Variants in TPTE2 observed in about 807,000 individuals in gnomAD.
TPTE2 encodes the protein phosphatidylinositol 3,4,5-trisphosphate 3-phosphatase TPTE2.
Under a neutral mutation model 78.6 loss-of-function variants are expected in TPTE2, and 53 were observed. That is an observed-to-expected ratio of 0.67 (90% CI 0.54 to 0.85). The LOEUF (loss-of-function observed/expected upper bound fraction) is 0.85. Among genes scored for constraint, TPTE2 ranks in the 40% least tolerant of loss-of-function variants. TPTE2 has a pLI of 0.00. For synonymous variants in TPTE2, 175 were observed against 206.2 expected (o/e 0.85, Z 1.30); for missense variants, 461 against 623.0 (o/e 0.74, Z 2.77).
chr13:19,491,446 T>C (rs1426511995), intron 3 of TPTE2, among the ~76,000 whole-genome samples: 1 of 152,192 alleles, frequency 6.6e-6, no homozygotes, highest in Non-Finnish European at 1.5e-5. Context: ...TAAGTAAAAT[T>C]CAACAGTTAA....
intron 3 of TPTE2, among the ~76,000 whole-genome samples, chr13:19,487,921 T>C (rs2137627188): frequency 1.3e-5 from 2 of 152,260 alleles, no homozygotes; most frequent in South Asian, 2.1e-4. Context: ...ACTGTGAGAT[T>C]CTCCTGTTGT....
the TPTE2 span, among the ~76,000 whole-genome samples, chr13:19,551,777 T>C: frequency 4.6e-5 from 7 of 152,144 alleles, no homozygotes; most frequent in East Asian, 5.8e-4. Context: ...TATCAAAAAT[T>C]AAGATATTAC....
At chr13:19,479,390 T>A (rs542673687) in intron 4 of TPTE2, among the ~76,000 whole-genome samples, 1 of 152,196 alleles carries the variant, frequency 6.6e-6, no homozygotes, top group South Asian at 2.1e-4. Flanking sequence ...CATTTAAATA[T>A]AAACATTGAT....
At chr13:19,423,074 A>C in exon 20 of TPTE2, 3 of 1,612,250 alleles carry the variant, frequency 1.9e-6, no homozygotes, top group Non-Finnish European at 2.5e-6. Context: ...ATTTCTCGCC[A>C]AAAAGTATCT....
At chr13:19,522,255 T>G in intron 1 of TPTE2, among the ~76,000 whole-genome samples, 1 of 152,228 alleles carries the variant, frequency 6.6e-6, no homozygotes, top group East Asian at 1.9e-4. Flanking sequence ...ATGGTAATTA[T>G]CCTGGCAATT....
At chr13:19,556,039 C>G in the TPTE2 span, among the ~76,000 whole-genome samples, 1 of 151,964 alleles carries the variant, frequency 6.6e-6, no homozygotes, top group African/African-American at 2.4e-5. Context: ...TCTTGAACTC[C>G]TGATCTCAGA....
chr13:19,533,808 T>C (rs895059821), intron 1 of TPTE2, among the ~76,000 whole-genome samples: 9 of 152,198 alleles, frequency 5.9e-5, no homozygotes, highest in Non-Finnish European at 1.2e-4. Context: ...AAAGCCACTG[T>C]AGAATTGTTG....
At chr13:19,511,169 T>A (rs1869411658) in intron 1 of TPTE2, among the ~76,000 whole-genome samples, 1 of 152,218 alleles carries the variant, frequency 6.6e-6, no homozygotes, top group Non-Finnish European at 1.5e-5. Flanking sequence ...GATAATAATT[T>A]GGCGGCAGTC....
chr13:19,490,954 G>A (rs1880954630), intron 3 of TPTE2, among the ~76,000 whole-genome samples: 2 of 152,126 alleles, frequency 1.3e-5, no homozygotes, highest in Non-Finnish European at 2.9e-5. Flanking sequence ...AAATAAGGGT[G>A]ACCAATGGAA....
intron 1 of TPTE2, among the ~76,000 whole-genome samples, chr13:19,497,753 C>T (rs1215385538): frequency 1.3e-5 from 2 of 151,600 alleles, no homozygotes; most frequent in African/African-American, 2.4e-5. Context: ...CTCTCCTCCT[C>T]CAAAGGAACG....
intron 1 of TPTE2, among the ~76,000 whole-genome samples, chr13:19,515,933 T>A (rs1012908380): frequency 2.6e-5 from 4 of 152,198 alleles, no homozygotes; most frequent in African/African-American, 9.7e-5. Flanking sequence ...GCATGAGACA[T>A]CCATAGATGT....
intron 1 of TPTE2, among the ~76,000 whole-genome samples, chr13:19,500,500 G>A (rs1274398642): frequency 4.0e-5 from 6 of 150,644 alleles, no homozygotes; most frequent in Admixed American, 2.6e-4. Context: ...TTCAATATAC[G>A]CAAATCAATA....
chr13:19,465,577 T>A lies in TPTE2; in HGVS notation c.513-13A>T. 1 of 1,571,450 alleles carries A rather than the reference T, an allele frequency of 6.4e-7. No homozygotes were observed. Among genetic ancestry groups the A allele is most frequent in the Non-Finnish European group, 8.6e-7 (1 of 1,161,714 alleles). On this transcript the variant is annotated splice_polypyrimidine_tract_variant and intron_variant, in intron 7 of 19. Coordinates refer to ENST00000400230, the Ensembl canonical transcript of TPTE2. ...TAAATGTGTCCATCTAACAATAAAT[T>A]TAAAAGATCCATTTTTGCTTCAGAA... is the stretch of plus-strand genomic sequence containing the variant.
chr13:19,516,909 T>C (rs1250262903), intron 1 of TPTE2, among the ~76,000 whole-genome samples: 1 of 152,262 alleles, frequency 6.6e-6, no homozygotes, highest in Admixed American at 6.5e-5. Flanking sequence ...TTTCTATTTT[T>C]ATTTGCTGGG....
intron 14 of TPTE2, 45 bp from the exon 18 acceptor site, chr13:19,436,351 T>C (rs1486375413): frequency 1.2e-5 from 18 of 1,534,158 alleles, no homozygotes; most frequent in Non-Finnish European, 1.6e-5. Context: ...CTGCACTCTT[T>C]CCTTTCCTAT....
chr13:19,426,341 T>C, intron 18 of TPTE2, 84 bp downstream of exon 21: 1 of 965,764 alleles, frequency 1.0e-6, no homozygotes, highest in Non-Finnish European at 1.7e-6. Flanking sequence ...CCCTCCCTTG[T>C]TGGGAATTGT....
chr13:19,462,817 TTACAGGTG>T (rs1245586657), intron 10 of TPTE2, among the ~76,000 whole-genome samples: 3 of 151,898 alleles, frequency 2.0e-5, no homozygotes, highest in Non-Finnish European at 2.9e-5. Context: ...AGTGCTGGGA[TTACAGGTG>T]TGAGCCACTG....
chr13:19,517,842 G>T (rs1593414659), intron 1 of TPTE2, among the ~76,000 whole-genome samples: 1 of 152,192 alleles, frequency 6.6e-6, no homozygotes, highest in Non-Finnish European at 1.5e-5. Context: ...CATTAAAGAT[G>T]AGGGAGAAGG....
At chr13:19,452,019 A>G (rs1253653027) in intron 10 of TPTE2, among the ~76,000 whole-genome samples, 2 of 152,258 alleles carry the variant, frequency 1.3e-5, no homozygotes, top group African/African-American at 4.8e-5. Context: ...ACTGATTAGT[A>G]TGGTACCCTC....
Sources: gnomAD v4.1 joint callset for allele counts (sites outside exome capture counted in the v4.1 genomes callset) on GRCh38, gnomAD v4.1.1 for gene constraint, MANE v1.5 for transcripts, NCBI Gene and HGNC (gene_info 2026-07-23, HGNC 2026-07-21) for gene names.